The following ZNF644 variants were observed in gnomAD, a reference collection of about 807,000 sequenced individuals.
ZNF644 encodes zinc finger protein 644.
In ZNF644, 20 loss-of-function variants were observed where a neutral mutation model predicts 108.0. That is an observed-to-expected ratio of 0.19 (90% CI 0.13 to 0.27). The LOEUF (loss-of-function observed/expected upper bound fraction) is 0.27, where lower values mean the gene tolerates loss of function less well. ZNF644 is among the 10% of genes least tolerant of loss of function. The pLI is 1.00. For missense variants in ZNF644, 1,338 were observed against 1,548.9 expected (o/e 0.86, Z 2.29); for synonymous variants, 542 against 539.1 (o/e 1.01, Z -0.08).
intron 2 of ZNF644, among the ~76,000 whole-genome samples, chr1:90,958,878 G>T (rs993679570): frequency 1.3e-5 from 2 of 152,130 alleles, no homozygotes; most frequent in African/African-American, 4.8e-5. Flanking sequence ...AGAAGGCATG[G>T]GTTGGATCCT....
intron 1 of ZNF644, among the ~76,000 whole-genome samples, chr1:91,004,100 T>C (rs917544961): frequency 2.0e-5 from 3 of 152,124 alleles, no homozygotes; most frequent in African/African-American, 7.2e-5. Flanking sequence ...GTATACCTAA[T>C]AGGAGTTCTA....
At chr1:90,969,952 C>T (rs1296448599) in intron 2 of ZNF644, among the ~76,000 whole-genome samples, 1 of 152,132 alleles carries the variant, frequency 6.6e-6, no homozygotes, top group African/African-American at 2.4e-5. Flanking sequence ...TGTTTTAAAT[C>T]ACACTGCATT....
chr1:90,966,673 C>A (rs1457399089), intron 2 of ZNF644, among the ~76,000 whole-genome samples: 1 of 149,962 alleles, frequency 6.7e-6, no homozygotes, highest in Non-Finnish European at 1.5e-5. Context: ...TCGCTTGAAC[C>A]CAGGAGGTGG....
At chr1:90,964,152 T>C (rs1222491540) in intron 2 of ZNF644, among the ~76,000 whole-genome samples, 1 of 152,140 alleles carries the variant, frequency 6.6e-6, no homozygotes, top group Non-Finnish European at 1.5e-5. Flanking sequence ...TTTTTCAATA[T>C]GCTGCAGGAA....
intron 4 of ZNF644, among the ~76,000 whole-genome samples, chr1:90,927,813 TCTTCCTCCCTCCTTCA>T (rs1650225717): frequency 6.6e-6 from 1 of 151,998 alleles, no homozygotes; most frequent in South Asian, 2.1e-4. Flanking sequence ...GCCCTCCCTC[TCTTCCTCCCTCCTTCA>T]CTTCCTTCTT....
At chr1:90,951,993 A>C (rs1221035883) in intron 2 of ZNF644, among the ~76,000 whole-genome samples, 1 of 152,182 alleles carries the variant, frequency 6.6e-6, no homozygotes, top group African/African-American at 2.4e-5. Flanking sequence ...ACACAGTCTT[A>C]GTTAATCAAA....
chr1:91,019,200 C>A (rs1207562065), intron 1 of ZNF644, among the ~76,000 whole-genome samples: 1 of 152,162 alleles, frequency 6.6e-6, no homozygotes, highest in Admixed American at 6.5e-5. Context: ...CTTAGAGGTA[C>A]CACTCAGTAG....
intron 2 of ZNF644, chr1:90,972,692 T>G (rs1030799124): frequency 6.6e-6 from 1 of 152,218 alleles, no homozygotes; most frequent in Non-Finnish European, 1.5e-5. Context: ...TTGTTCACAA[T>G]AGCTAAATGG....
chr1:90,940,232 A>T lies in ZNF644; in HGVS notation c.1122T>A (p.Ser374Arg), dbSNP rs1229291382. 6.2e-7 allele frequency: 1 copy of T among 1,613,632 alleles called. No individual in the cohort carries two copies. The highest frequency in any genetic ancestry group is 1.3e-5 in the African/African-American group (1 of 74,798). ...IYNPDKCGEE[S>R]SPVHTSTFLS... ...GAAAAGTGCTAGTATGAACAGGTGA[A>T]CTCTCTTCTCCACACTTATCTGGGT... The change falls in exon 3 of 6, where the codon AGT becomes AGA. Residue 374 changes from serine to arginine, a missense_variant. Around this residue, in one of 6 missense-constraint regions of ZNF644, gnomAD observed 464 missense variants for 457.9 expected, o/e 1.01. Coordinates refer to ENST00000337393, the MANE Select transcript of ZNF644 (RefSeq NM_201269.3).
intron 2 of ZNF644, among the ~76,000 whole-genome samples, chr1:90,959,639 C>T (rs1028565787): frequency 2.6e-5 from 4 of 152,110 alleles, no homozygotes. Context: ...TCTATGGTTT[C>T]TTTCATATGA....
chr1:90,977,290 A>G (rs1656110137), intron 2 of ZNF644, among the ~76,000 whole-genome samples: 1 of 152,190 alleles, frequency 6.6e-6, no homozygotes, highest in African/African-American at 2.4e-5. Context: ...AGCAAACTAT[A>G]AAGAAATTTA....
intron 1 of ZNF644, among the ~76,000 whole-genome samples, chr1:91,019,619 G>A (rs1043596900): frequency 2.0e-5 from 3 of 152,156 alleles, no homozygotes; most frequent in Non-Finnish European, 4.4e-5. Context: ...TCACCAGACT[G>A]GAGTGCAGTG....
At chr1:91,018,230 A>G (rs546075045) in intron 1 of ZNF644, among the ~76,000 whole-genome samples, 8 of 152,310 alleles carry the variant, frequency 5.3e-5, no homozygotes, top group African/African-American at 1.9e-4. Context: ...CATCAGTTCC[A>G]TGATTCTCAA....
chr1:90,928,600 A>C (rs1277849292), intron 4 of ZNF644, among the ~76,000 whole-genome samples: 1 of 151,816 alleles, frequency 6.6e-6, no homozygotes, highest in Non-Finnish European at 1.5e-5. Context: ...TGGGATTACA[A>C]GTGTGAGCCA....
chr1:90,941,255 G>C lies in ZNF644; in HGVS notation c.99C>G (p.Thr33=). ...ANNMDDLKIN[T]DITGAKEELL... ...GTTCTTCTTTAGCACCAGTAATATC[G>C]GTGTTTATCTTCAAATCATCCATAT... The change falls in exon 3 of 6, where the codon ACC becomes ACG. Residue 33 remains threonine, a synonymous_variant. Coordinates refer to ENST00000337393, the MANE Select transcript of ZNF644 (RefSeq NM_201269.3). The C allele has an allele frequency of 6.3e-7, 1 of 1,599,958 alleles. No individual in the cohort carries two copies. Among genetic ancestry groups the C allele is most frequent in the Non-Finnish European group, 8.5e-7 (1 of 1,176,276 alleles).
At chr1:91,002,754 G>A (rs969571986) in intron 1 of ZNF644, among the ~76,000 whole-genome samples, 5 of 152,064 alleles carry the variant, frequency 3.3e-5, no homozygotes, top group Admixed American at 6.5e-5. Context: ...CCTACAGAAC[G>A]GGAGAAAATT....
intron 1 of ZNF644, among the ~76,000 whole-genome samples, chr1:90,992,359 GAAT>G (rs1316733467): frequency 1.4e-5 from 2 of 141,996 alleles, no homozygotes; most frequent in African/African-American, 2.6e-5. Flanking sequence ...CTCGAAGTTA[GAAT>G]AATAAATGTA....
chr1:90,976,497 A>C (rs1442488897), intron 2 of ZNF644, among the ~76,000 whole-genome samples: 1 of 152,204 alleles, frequency 6.6e-6, no homozygotes. Flanking sequence ...GCCATGGCAA[A>C]ATTCTTTGGT....
In ZNF644 at chr1:90,940,837, G is replaced by C. The variant is rs1651890497; in HGVS notation, c.517C>G (p.Gln173Glu). 1.2e-6 allele frequency: 2 copies of C among 1,613,832 alleles called. No homozygotes were observed. Among genetic ancestry groups the C allele is most frequent in the Admixed American group, 1.7e-5 (1 of 59,992 alleles). ...LSTPQKASQH[Q>E]VLFLLSDVAH... ...ACATCTGATAACAAAAATAAAACTTGGTGTTGACTTGCTTTCTGTGGTGTA... is the reference window on the plus strand; with the variant it reads ...ACATCTGATAACAAAAATAAAACTTCGTGTTGACTTGCTTTCTGTGGTGTA... Residue 173 changes from glutamine (Q) to glutamate (E), a missense_variant, in exon 3 of 6, where the codon CAA (glutamine) becomes GAA (glutamate). Physicochemically the swap from Gln to Glu is conservative, Grantham distance 29 (BLOSUM62 2). Around this residue, in one of 6 missense-constraint regions of ZNF644, gnomAD observed 464 missense variants for 457.9 expected, o/e 1.01. Coordinates refer to ENST00000337393, the MANE Select transcript of ZNF644 (RefSeq NM_201269.3).
Sources: gnomAD v4.1 joint callset for allele counts (sites outside exome capture counted in the v4.1 genomes callset) on GRCh38, gnomAD v4.1.1 for gene constraint, gnomAD v4.1.1 regional missense constraint, MANE v1.5 for transcripts, NCBI Gene and HGNC (gene_info 2026-07-23, HGNC 2026-07-21) for gene names.